The following ADCY4 variants were observed in gnomAD, a reference collection of about 807,000 sequenced individuals.
ADCY4 encodes the protein adenylate cyclase 4.
In ADCY4, 111 loss-of-function variants were observed where a neutral mutation model predicts 125.5. That is an observed-to-expected ratio of 0.88 (90% CI 0.76 to 1.04). The LOEUF (loss-of-function observed/expected upper bound fraction) is 1.04. ADCY4 is among the 50% of genes least tolerant of loss of function. The probability of loss-of-function intolerance (pLI) is 0.00; values close to 1 mark genes in which losing one functional copy is unlikely to be tolerated. For missense variants in ADCY4, 1,256 were observed against 1,382.9 expected (o/e 0.91, Z 1.46); for synonymous variants, 576 against 586.9 (o/e 0.98, Z 0.27).
At position 24,322,103 on chromosome 14, in the gene ADCY4, A is replaced by T; in HGVS notation, c.2549T>A (p.Val850Glu). The part of the protein sequence containing the change: ...LLLENVLPAH[V>E]APQFIGQNRR... ...GTTCTGGCCAATGAACTGGGGGGCC[A>T]CGTGTGCAGGGAGCACGTTCTCCAA... is the stretch of plus-strand genomic sequence containing the variant. The change falls in exon 20 of 25, where the codon GTG becomes GAG. Residue 850 changes from valine (V) to glutamate (E), a missense_variant. Transcript: ENST00000418030. The T allele has an allele frequency of 6.2e-7, 1 of 1,613,978 alleles. No homozygotes were observed.
intron 18 of ADCY4, 90 bp downstream of exon 18, chr14:24,322,814 T>G: frequency 6.5e-7 from 1 of 1,542,382 alleles, no homozygotes; most frequent in Non-Finnish European, 8.8e-7. Context: ...CTGTGGGTGA[T>G]TCAGGTCGGT....
At position 24,325,383 on chromosome 14, in the gene ADCY4, G is replaced by A. The variant is rs185069649; in HGVS notation, c.1817C>T (p.Thr606Ile). The change falls in exon 14 of 25, where the codon ACA (threonine) becomes ATA (isoleucine). Residue 606 changes from threonine (T) to isoleucine (I), a missense_variant. Thr to Ile is a moderately conservative substitution (Grantham distance 89). Transcript: ENST00000418030. ...LSNFIIQMLV[T>I]NRPPALAITY... is the part of the protein sequence containing the mutation. ...TTGCCTGGGGCACTCTCACCTGTTT[G>A]TCACTAGCATCTGGATGATGAAGTT... 6.2e-7 allele frequency: 1 copy of A among 1,613,384 alleles called. No homozygotes were observed. Among genetic ancestry groups the A allele is most frequent in the African/African-American group, 1.3e-5 (1 of 74,634 alleles).
chr14:24,329,759 T>C lies in ADCY4; in HGVS notation c.1217+101A>G. The C allele has an allele frequency of 2.6e-6, 4 of 1,520,240 alleles. No homozygotes were observed. The East Asian group carries it at 9.1e-5, about 34-fold the overall frequency. 94.2% of individuals were successfully genotyped at this position (1,520,240 alleles called of 1,614,324 possible). A position where few individuals can be genotyped will look rare whatever the true frequency, so the allele number is the denominator to read the frequency against. ...GCCCCATATGGGACTTATCTTAAGGTACTCATCTTGTGCTTATCTTAAGGA... is the reference window on the plus strand; with the variant it reads ...GCCCCATATGGGACTTATCTTAAGGCACTCATCTTGTGCTTATCTTAAGGA... On this transcript the variant is annotated intron_variant, in intron 8 of 24. Coordinates refer to ENST00000418030, the MANE Select transcript of ADCY4 (RefSeq NM_001198568.2).
At chr14:24,329,349 C>A (rs376836323) in intron 9 of ADCY4, 52 bp downstream of exon 9, 365 of 1,550,554 alleles carry the variant, frequency 2.4e-4, no homozygotes, top group Non-Finnish European at 2.9e-4. Context: ...GGCCTGTTGG[C>A]TGTGGGGTGG....
At chr14:24,333,760 T>G (rs2042088136) in intron 1 of ADCY4, among the ~76,000 whole-genome samples, 1 of 152,164 alleles carries the variant, frequency 6.6e-6, no homozygotes, top group Non-Finnish European at 1.5e-5. Context: ...GCCGGCAGCT[T>G]GAAGGGCGGC....
rs1436726317 is a variant in ADCY4, at chr14:24,331,416, C to G, written c.670-60G>C. The G allele has an allele frequency of 4.4e-6, 7 of 1,598,826 alleles. No individual in the cohort carries two copies. In the East Asian group the frequency reaches 1.6e-4, roughly 36 times the overall value. ...CACCCTAAAGCCAGGAGGCCCTGTC[C>G]CCCAAATCACTCAGGAGCCCACACT... On this transcript the variant is annotated intron_variant, in intron 4 of 24. Transcript: ENST00000418030.
Position 24,329,066 on chromosome 14 carries a change from G to C in ADCY4, c.1519C>G (p.Leu507Val). Reference protein sequence around the residue: ...GDSPVSTSTPLPEKTLASFST... With the variant: ...GDSPVSTSTPVPEKTLASFST... Reference sequence around the variant, plus strand: ...CAGGATGAAGGTGCACATACCGGGAGAGGGGTGGAGGTGGACACAGGGCTG... The same window carrying C: ...CAGGATGAAGGTGCACATACCGGGACAGGGGTGGAGGTGGACACAGGGCTG... The change falls in exon 10 of 25, where the codon CTC (leucine) becomes GTC (valine). Residue 507 changes from leucine to valine, a missense_variant. By Grantham distance (32) the Leu-to-Val change is conservative. Transcript: ENST00000418030. 6.2e-7 allele frequency: 1 copy of C among 1,613,444 alleles called. No individual in the cohort carries two copies. Among genetic ancestry groups the C allele is most frequent in the South Asian group, 1.1e-5 (1 of 91,074 alleles).
Position 24,326,340 on chromosome 14 carries a change from C to T in ADCY4, c.1527G>A (p.Glu509=), listed in dbSNP as rs1171677753. The T allele has an allele frequency of 1.2e-6, 2 of 1,613,126 alleles. No homozygotes were observed. Among genetic ancestry groups the T allele is most frequent in the African/African-American group, 1.3e-5 (1 of 74,294 alleles). ...GGGTGCTGAAGGAAGCCAGGGTCTTCTCCTGTTGGGAGAGCACAGGGGGAG... is the reference window on the plus strand; with the variant it reads ...GGGTGCTGAAGGAAGCCAGGGTCTTTTCCTGTTGGGAGAGCACAGGGGGAG... ...SPVSTSTPLP[E]KTLASFSTQW... is the part of the protein sequence containing the mutation. Residue 509 remains glutamate, a splice_region_variant and synonymous_variant, in exon 11 of 25, where the codon GAG becomes GAA. Coordinates refer to ENST00000418030, the MANE Select transcript of ADCY4 (RefSeq NM_001198568.2).
At position 24,325,802 on chromosome 14, in the gene ADCY4, C is replaced by T. The variant is rs2041932736; in HGVS notation, c.1725+16G>A. On this transcript the variant is annotated intron_variant, in intron 13 of 24. Coordinates refer to ENST00000418030, the MANE Select transcript of ADCY4 (RefSeq NM_001198568.2). ...AAGTTGGGAAGTTGTTTGGTGCCAC[C>T]CACACCACAGCCCACCTCTTTCTCC... is the stretch of plus-strand genomic sequence containing the variant. 1.3e-6 allele frequency: 2 copies of T among 1,587,248 alleles called. No individual in the cohort carries two copies. The highest frequency in any genetic ancestry group is 1.3e-5 in the African/African-American group (1 of 74,632).
In ADCY4 at chr14:24,322,136, C is replaced by T. The variant is rs149706608; in HGVS notation, c.2516G>A (p.Arg839Gln). 1.4e-4 allele frequency: 225 copies of T among 1,613,956 alleles called. No homozygotes were observed. The highest frequency in any genetic ancestry group is 1.9e-4 in the Non-Finnish European group (219 of 1,179,998). Residue 839 changes from arginine (R) to glutamine (Q), a missense_variant, in exon 20 of 25, where the codon CGG becomes CAG. Transcript: ENST00000418030. ...EETETMENLT[R>Q]LLLENVLPAH... ...AGGGAGCACGTTCTCCAAGAGCAGCCGAGTCAGGTTCTCCATCGTCTCTGT... is the reference window on the plus strand; with the variant it reads ...AGGGAGCACGTTCTCCAAGAGCAGCTGAGTCAGGTTCTCCATCGTCTCTGT...
At chr14:24,332,318 C>A in intron 3 of ADCY4, 1 of 553,898 alleles carries the variant, frequency 1.8e-6, no homozygotes, top group Non-Finnish European at 3.0e-6. Flanking sequence ...GACACGACTC[C>A]CTTCCGTGTG....
chr14:24,332,425 C>T (rs778511602), intron 3 of ADCY4, 97 bp downstream of exon 3: 2 of 1,376,784 alleles, frequency 1.5e-6, no homozygotes, highest in Non-Finnish European at 2.0e-6. Context: ...AGCGTTGCAC[C>T]TTGACTTGGA....
At chr14:24,333,216 G>A (rs1174393276) in intron 1 of ADCY4, among the ~76,000 whole-genome samples, 1 of 152,022 alleles carries the variant, frequency 6.6e-6, no homozygotes, top group African/African-American at 2.4e-5. Context: ...TATGGTTTTT[G>A]TTGGTTGGTT....
intron 23 of ADCY4, 74 bp from the exon 24 acceptor site, chr14:24,318,852 A>G: frequency 6.3e-7 from 1 of 1,597,948 alleles, no homozygotes. Context: ...ACTGGAAGGA[A>G]GGGAGAAGAG....
In ADCY4 at chr14:24,325,227, T is replaced by G. The variant is rs1043924472; in HGVS notation, c.1823+150A>C. 16 of 592,822 alleles carry G rather than the reference T, an allele frequency of 2.7e-5. 1 individual carries two copies. In the East Asian group the frequency reaches 3.4e-4, roughly 13 times the overall value. The allele number at this position is 592,822 out of a possible 1,614,324, so 36.7% of individuals were successfully genotyped here. The stretch of plus-strand genomic sequence containing the variant: ...ACAAGGTTAAGATAAGGGCCGTGAT[T>G]ATCATTTTCCCCAGAACACATGTTT... On this transcript the variant is annotated intron_variant, in intron 14 of 24. Transcript: ENST00000418030.
At chr14:24,331,447 T>C (rs2042039600) in intron 4 of ADCY4, 91 bp from the exon 5 acceptor site, 2 of 1,545,966 alleles carry the variant, frequency 1.3e-6, no homozygotes, top group East Asian at 2.3e-5. Flanking sequence ...ACACTGCCCA[T>C]CCTAGGTGCT....
rs2042106909 is a variant in ADCY4 at position 24,334,725 on chromosome 14, C to T, written c.-73G>A. The T allele has an allele frequency of 7.8e-7, 1 of 1,276,164 alleles. No homozygotes were observed. Among genetic ancestry groups the T allele is most frequent in the Non-Finnish European group, 1.0e-6 (1 of 954,390 alleles). The allele number at this position is 1,276,164 out of a possible 1,614,324, so 79.1% of individuals were successfully genotyped here. On this transcript the variant is annotated 5_prime_UTR_variant, in exon 1 of 25. Coordinates refer to ENST00000418030, the MANE Select transcript of ADCY4 (RefSeq NM_001198568.2). ...GTTACCTCCTTCGGCCCGGCGGGCC[C>T]CACCTGAGCTTTTCTCACCCGCTCA...
chr14:24,334,682 G>T lies in ADCY4; in HGVS notation c.-30C>A. ...TCCCCAGCCCCGAGCCCCGGGGCTG[G>T]CTAGGGCCGGGCGCCGGGTTACCTC... is the stretch of plus-strand genomic sequence containing the variant. On this transcript the variant is annotated 5_prime_UTR_variant, in exon 1 of 25. Coordinates refer to ENST00000418030, the MANE Select transcript of ADCY4 (RefSeq NM_001198568.2). 1.3e-6 allele frequency: 2 copies of T among 1,490,978 alleles called. No individual in the cohort carries two copies. The highest frequency in any genetic ancestry group is 1.3e-5 in the South Asian group (1 of 79,168). 92.4% of individuals were successfully genotyped at this position (1,490,978 alleles called of 1,614,324 possible).
At position 24,323,433 on chromosome 14, in the gene ADCY4, C is replaced by G; in HGVS notation, c.2068G>C (p.Asp690His). 2 of 1,554,376 alleles carry G rather than the reference C, an allele frequency of 1.3e-6. No individual in the cohort carries two copies. Among genetic ancestry groups the G allele is most frequent in the Non-Finnish European group, 1.7e-6 (2 of 1,148,114 alleles). Residue 690 changes from aspartate to histidine, a missense_variant, in exon 17 of 25, where the codon GAC becomes CAC. Coordinates refer to ENST00000418030, the MANE Select transcript of ADCY4 (RefSeq NM_001198568.2). ...ACATTGGGAGCTTGGAAAGGGCAGT[C>G]TGATGATGTTGGGAAGAAGAACTGC... ...TSLFFFPTSS[D>H]CPFQAPNVSS...
Sources: allele counts gnomAD v4.1 joint callset (sites outside exome capture counted in the v4.1 genomes callset), GRCh38; gene constraint gnomAD v4.1.1; transcripts MANE v1.5; gene names NCBI Gene and HGNC (gene_info 2026-07-23, HGNC 2026-07-21).